EPB41L4B: variants seen among roughly 807,000 people sequenced by gnomAD.
The protein encoded by EPB41L4B is band 4.1-like protein 4B.
In EPB41L4B, 30 loss-of-function variants were observed where a neutral mutation model predicts 112.5. That is an observed-to-expected ratio of 0.27 (90% CI 0.20 to 0.36). The LOEUF is 0.36. Ranked by LOEUF, EPB41L4B falls within the 10% of genes least tolerant of loss-of-function variation. The probability of loss-of-function intolerance (pLI) is 1.00; values close to 1 mark genes in which losing one functional copy is unlikely to be tolerated. For missense variants in EPB41L4B, 1,024 were observed against 1,133.3 expected, an observed-to-expected ratio of 0.90 and a Z score of 1.38; for synonymous variants, 408 against 439.7, an observed-to-expected ratio of 0.93 and a Z score of 0.90.
chr9:109,209,227 TAG>T (rs1242069328), intron 17 of EPB41L4B, among the ~76,000 whole-genome samples: 1 of 152,000 alleles, frequency 6.6e-6, no homozygotes, highest in African/African-American at 2.4e-5. Flanking sequence ...AGAAATGAGG[TAG>T]AGTTTCCCAG....
intron 2 of EPB41L4B, among the ~76,000 whole-genome samples, chr9:109,273,246 CT>C (rs974348312): frequency 5.6e-4 from 81 of 145,922 alleles, no homozygotes; most frequent in South Asian, 1.5e-3. Flanking sequence ...TGTGGCATTT[CT>C]TTTTTTTTTT....
At chr9:109,274,569 T>C (rs1211978407) in intron 2 of EPB41L4B, among the ~76,000 whole-genome samples, 1 of 152,224 alleles carries the variant, frequency 6.6e-6, no homozygotes, top group Non-Finnish European at 1.5e-5. Flanking sequence ...AGCTCATCTG[T>C]GCAACCACAG....
Position 109,172,377 on chromosome 9 carries a change from CA to C in EPB41L4B, c.*2176del, listed in dbSNP as rs1831661781. On this transcript the variant is annotated 3_prime_UTR_variant, in exon 26 of 26. Transcript: ENST00000374566. Reference sequence around the variant, plus strand: ...GTGACAGCCCCATATTGTACGGGAACATATTTTGTATCATGTGCACAAGATA... The same window carrying C: ...GTGACAGCCCCATATTGTACGGGAACTATTTTGTATCATGTGCACAAGATA... The C allele has an allele frequency of 6.6e-6, 1 of 152,156 alleles. No homozygotes were observed. Among genetic ancestry groups the C allele is most frequent in the African/African-American group, 2.4e-5 (1 of 41,418 alleles). The allele number at this position is 152,156 out of a possible 1,614,324, so 9.4% of individuals were successfully genotyped here. A position where few individuals can be genotyped will look rare whatever the true frequency, so the allele number is the denominator to read the frequency against.
intron 1 of EPB41L4B, among the ~76,000 whole-genome samples, chr9:109,303,225 G>A (rs190078028): frequency 1.3e-5 from 2 of 152,058 alleles, no homozygotes; most frequent in East Asian, 1.9e-4. Flanking sequence ...TTAATGAAGT[G>A]GTGATCACTT....
At chr9:109,199,345 G>C (rs937659223) in intron 20 of EPB41L4B, among the ~76,000 whole-genome samples, 1 of 152,116 alleles carries the variant, frequency 6.6e-6, no homozygotes, top group Non-Finnish European at 1.5e-5. Flanking sequence ...GCTGGACATA[G>C]GGATTTGCTT....
At position 109,213,897 on chromosome 9, in the gene EPB41L4B, C is replaced by T. The variant is rs568275484; in HGVS notation, c.1634-79G>A. The T allele has an allele frequency of 1.4e-4, 182 of 1,296,212 alleles. 1 individual carries two copies. The highest frequency in any genetic ancestry group is 9.8e-4 in the Middle Eastern group (5 of 5,086). 80.3% of individuals were successfully genotyped at this position (1,296,212 alleles called of 1,614,324 possible). A position where few individuals can be genotyped will look rare whatever the true frequency, so the allele number is the denominator to read the frequency against. ...ACAGGGGAAAAGGGACACTTGCCAG[C>T]GCCCGATTCCCAGCACCCTTTCTGC... On this transcript the variant is annotated intron_variant, in intron 16 of 25. Transcript: ENST00000374566.
At chr9:109,285,019 G>A (rs186043261) in intron 1 of EPB41L4B, among the ~76,000 whole-genome samples, 92 of 152,294 alleles carry the variant, frequency 6.0e-4, no homozygotes, top group African/African-American at 2.1e-3. Flanking sequence ...CACCAACTGC[G>A]ACCTTAAGCA....
intron 11 of EPB41L4B, among the ~76,000 whole-genome samples, chr9:109,253,927 C>T (rs938724581): frequency 1.4e-4 from 22 of 152,330 alleles, no homozygotes; most frequent in African/African-American, 3.8e-4. Flanking sequence ...GTTATCAATA[C>T]CCACTTAACT....
chr9:109,189,109 T>C (rs1209694173), intron 22 of EPB41L4B, among the ~76,000 whole-genome samples: 1 of 152,192 alleles, frequency 6.6e-6, no homozygotes, highest in Non-Finnish European at 1.5e-5. Context: ...GCAGGTGCTG[T>C]CTTGACTCAC....
chr9:109,241,130 A>G, intron 15 of EPB41L4B: 1 of 985,944 alleles, frequency 1.0e-6, no homozygotes, highest in Non-Finnish European at 1.2e-6. Flanking sequence ...AACCTAAACA[A>G]AATGAAATGT....
intron 22 of EPB41L4B, among the ~76,000 whole-genome samples, chr9:109,190,805 G>A (rs1217440128): frequency 6.6e-6 from 1 of 152,248 alleles, no homozygotes; most frequent in Non-Finnish European, 1.5e-5. Flanking sequence ...GACTGGATGA[G>A]ATGGTCCCAA....
chr9:109,307,909 A>G (rs1837273410), intron 1 of EPB41L4B, among the ~76,000 whole-genome samples: 1 of 152,016 alleles, frequency 6.6e-6, no homozygotes, highest in Non-Finnish European at 1.5e-5. Flanking sequence ...AGGAAGCTAC[A>G]CTTGTTACAC....
At chr9:109,319,961 A>G (rs1037711124) in intron 1 of EPB41L4B, among the ~76,000 whole-genome samples, 180 bp downstream of exon 1, 11 of 152,086 alleles carry the variant, frequency 7.2e-5, no homozygotes, top group African/African-American at 2.7e-4. Flanking sequence ...GGGGCCCCGG[A>G]AGAGACCGGG....
chr9:109,302,833 T>C (rs1476734159), intron 1 of EPB41L4B, among the ~76,000 whole-genome samples: 1 of 152,114 alleles, frequency 6.6e-6, no homozygotes, highest in Non-Finnish European at 1.5e-5. Context: ...AGATTTCTCC[T>C]TCCCATGAAG....
chr9:109,231,731 GTCCCGACA>G (rs1204773103), intron 15 of EPB41L4B, among the ~76,000 whole-genome samples: 5 of 152,110 alleles, frequency 3.3e-5, no homozygotes, highest in Admixed American at 1.3e-4. Context: ...GTGTAAGCAG[GTCCCGACA>G]TTTTTCTGCC....
At position 109,245,455 on chromosome 9, in the gene EPB41L4B, A is replaced by C. The variant is rs144644163; in HGVS notation, c.1345-1773T>G. Among the ~76,000 whole-genome samples, 97 of 152,334 alleles carry C rather than the reference A, an allele frequency of 6.4e-4. 2 individuals are homozygous for C. In the Middle Eastern group the frequency reaches 0.014, roughly 21 times the overall value. The stretch of plus-strand genomic sequence containing the variant: ...TCAAGGAGTATTTTAGTGTTAACCC[A>C]GCTGGTTCTCAACTGGTACACTCAT... On this transcript the variant is annotated intron_variant, in intron 14 of 25. Transcript: ENST00000374566.
At chr9:109,241,432 A>G (rs1834348064) in intron 15 of EPB41L4B, 3 of 1,290,670 alleles carry the variant, frequency 2.3e-6, no homozygotes, top group Non-Finnish European at 2.0e-6. Flanking sequence ...CAGAACATCA[A>G]TATGATTCCT....
At chr9:109,255,732 G>A in intron 10 of EPB41L4B, 42 bp downstream of exon 10, 1 of 1,611,942 alleles carries the variant, frequency 6.2e-7, no homozygotes, top group Non-Finnish European at 8.5e-7. Flanking sequence ...CCCCAACACA[G>A]GATTTTCACA....
At chr9:109,207,821 C>G (rs1833035873) in intron 18 of EPB41L4B, 103 bp downstream of exon 18, 3 of 1,443,778 alleles carry the variant, frequency 2.1e-6, no homozygotes, top group African/African-American at 2.8e-5. Context: ...CTGACTGGAC[C>G]CTGACTGACA....
Sources: gnomAD v4.1 joint callset for allele counts (sites outside exome capture counted in the v4.1 genomes callset) on GRCh38, gnomAD v4.1.1 for gene constraint, MANE v1.5 for transcripts, NCBI Gene and HGNC (gene_info 2026-07-23, HGNC 2026-07-21) for gene names.